The following MAP2 variants were observed in gnomAD, a reference collection of about 807,000 sequenced individuals.
MAP2 encodes the protein microtubule-associated protein 2.
In MAP2, 14 loss-of-function variants were observed where a neutral mutation model predicts 137.6. The ratio of observed to expected loss-of-function variants is 0.10; its 90% confidence interval spans 0.07 to 0.16. MAP2 has a LOEUF of 0.16. Ranked by LOEUF, MAP2 falls within the 10% of genes least tolerant of loss-of-function variation. MAP2 has a pLI of 1.00. For synonymous variants in MAP2, 786 were observed against 782.3 expected (o/e 1.00, Z -0.08); for missense variants, 2,088 against 2,191.5 (o/e 0.95, Z 0.94).
chr2:209,481,548 A>T, intron 1 of MAP2, among the ~76,000 whole-genome samples: 1 of 152,182 alleles, frequency 6.6e-6, no homozygotes, highest in East Asian at 1.9e-4. Flanking sequence ...GGATTGACCT[A>T]TACTATCCTA....
chr2:209,474,742 A>C (rs1706733273), intron 1 of MAP2, among the ~76,000 whole-genome samples: 1 of 152,114 alleles, frequency 6.6e-6, no homozygotes, highest in Non-Finnish European at 1.5e-5. Context: ...ATTTTCAGGC[A>C]AATAAAATAA....
intron 2 of MAP2, among the ~76,000 whole-genome samples, chr2:209,526,474 T>C (rs1306960655): frequency 1.3e-5 from 2 of 151,698 alleles, no homozygotes; most frequent in Non-Finnish European, 1.5e-5. Flanking sequence ...TCTCAGGCTT[T>C]CGTTTTTTGG....
intron 1 of MAP2, among the ~76,000 whole-genome samples, chr2:209,435,982 A>ATATACT (rs1695970602): frequency 2.1e-5 from 2 of 95,278 alleles, no homozygotes; most frequent in African/African-American, 1.1e-4. Flanking sequence ...TAATATATAC[A>ATATACT]GTATATATTA....
chr2:209,499,085 A>G (rs540072822), intron 1 of MAP2, among the ~76,000 whole-genome samples: 2 of 152,180 alleles, frequency 1.3e-5, no homozygotes, highest in South Asian at 4.1e-4. Flanking sequence ...TCCCTTTTAA[A>G]TATAAATTCC....
At chr2:209,452,520 C>G (rs929130959) in intron 1 of MAP2, among the ~76,000 whole-genome samples, 1 of 152,134 alleles carries the variant, frequency 6.6e-6, no homozygotes, top group African/African-American at 2.4e-5. Context: ...ATATCATATC[C>G]CTAGGCATCC....
intron 1 of MAP2, 97 bp downstream of exon 1, chr2:209,424,373 C>G (rs965438950): frequency 1.3e-5 from 2 of 152,890 alleles, no homozygotes; most frequent in Non-Finnish European, 2.9e-5. Flanking sequence ...GGGGTTGTGT[C>G]TCGTCCTCTG....
At chr2:209,568,965 C>T (rs16843129) in intron 2 of MAP2, among the ~76,000 whole-genome samples, 2,996 of 151,786 alleles carry the variant, frequency 0.02, 95 homozygotes, top group African/African-American at 0.068. Context: ...ACAGTGAATA[C>T]GGTTTGTCTT....
intron 14 of MAP2, among the ~76,000 whole-genome samples, chr2:209,726,285 T>C (rs1203576277): frequency 6.6e-6 from 1 of 152,220 alleles, no homozygotes; most frequent in Non-Finnish European, 1.5e-5. Flanking sequence ...CAGAATGCAA[T>C]GTTTCCTCAA....
At chr2:209,623,464 A>T (rs2091691513) in intron 3 of MAP2, among the ~76,000 whole-genome samples, 1 of 152,320 alleles carries the variant, frequency 6.6e-6, no homozygotes, top group East Asian at 1.9e-4. Context: ...TGAAGCACAA[A>T]AAACAAGCAC....
At chr2:209,534,265 G>A (rs2065614946) in intron 2 of MAP2, among the ~76,000 whole-genome samples, 1 of 152,206 alleles carries the variant, frequency 6.6e-6, no homozygotes, top group African/African-American at 2.4e-5. Context: ...GTTGGTTACT[G>A]TTGGGATATC....
chr2:209,504,959 T>C (rs542564952), intron 1 of MAP2, among the ~76,000 whole-genome samples: 2 of 152,300 alleles, frequency 1.3e-5, no homozygotes, highest in Admixed American at 1.3e-4. Context: ...CAGCCACACA[T>C]ACACAGTCAC....
intron 11 of MAP2, among the ~76,000 whole-genome samples, chr2:209,702,920 T>A (rs1319403076): frequency 1.3e-5 from 2 of 152,106 alleles, no homozygotes; most frequent in Non-Finnish European, 2.9e-5. Context: ...TAAATCAAAT[T>A]AATTATTTGA....
chr2:209,604,595 T>C (rs1380782858), intron 3 of MAP2, among the ~76,000 whole-genome samples: 1 of 152,150 alleles, frequency 6.6e-6, no homozygotes, highest in Non-Finnish European at 1.5e-5. Flanking sequence ...TGTAAAACAG[T>C]TTTTGGTATT....
Position 209,678,615 on chromosome 2 carries a change from T to A in MAP2, c.306T>A (p.Ala102=). 1 of 1,607,058 alleles carries A rather than the reference T, an allele frequency of 6.2e-7. No individual in the cohort carries two copies. The highest frequency in any genetic ancestry group is 1.1e-5 in the South Asian group (1 of 90,066). Residue 102 remains alanine, a synonymous_variant, in exon 6 of 16, where the codon GCT becomes GCA. Coordinates refer to ENST00000682079, the MANE Select transcript of MAP2 (RefSeq NM_001375505.1). ...TAGTTCAAGTAGTCACTGCTGAGGC[T>A]GTAGCAGTCCTGAAAGGTGAACAAG... ...ARIVQVVTAE[A]VAVLKGEQEK... is the part of the protein sequence containing the mutation.
chr2:209,564,629 C>G (rs1559326263), intron 2 of MAP2, among the ~76,000 whole-genome samples: 1 of 150,966 alleles, frequency 6.6e-6, no homozygotes, highest in Admixed American at 6.6e-5. Flanking sequence ...CTTTCATAGC[C>G]CCTTCCCCAT....
chr2:209,594,866 T>C (rs1179950693), intron 3 of MAP2, among the ~76,000 whole-genome samples: 4 of 152,174 alleles, frequency 2.6e-5, no homozygotes, highest in Non-Finnish European at 5.9e-5. Context: ...CAAGTACAGA[T>C]TGTAAGATGT....
chr2:209,509,540 A>G (rs2061479207), intron 2 of MAP2, among the ~76,000 whole-genome samples: 2 of 151,948 alleles, frequency 1.3e-5, no homozygotes, highest in South Asian at 4.1e-4. Context: ...ACATTTGGTT[A>G]ATCAGTTATC....
At chr2:209,604,564 G>A (rs924381191) in intron 3 of MAP2, among the ~76,000 whole-genome samples, 9 of 152,018 alleles carry the variant, frequency 5.9e-5, no homozygotes, top group African/African-American at 9.7e-5. Context: ...CTTTCTCTTC[G>A]AAGCCTTTAA....
intron 1 of MAP2, among the ~76,000 whole-genome samples, chr2:209,476,640 G>A (rs933873950): frequency 3.3e-5 from 5 of 152,022 alleles, no homozygotes; most frequent in South Asian, 4.1e-4. Flanking sequence ...AAAAATATAC[G>A]ACGTCCATAT....
Sources: allele counts gnomAD v4.1 joint callset (sites outside exome capture counted in the v4.1 genomes callset), GRCh38; gene constraint gnomAD v4.1.1; transcripts MANE v1.5; gene names NCBI Gene and HGNC (gene_info 2026-07-23, HGNC 2026-07-21).